The following NCOA3 variants were observed in gnomAD, a reference collection of about 807,000 sequenced individuals.
The protein encoded by NCOA3 is nuclear receptor coactivator 3, also known as CBP-interacting protein.
NCOA3 carries 51 observed loss-of-function variants against 158.8 expected under a neutral mutation model. The observed-to-expected ratio is 0.32, with a 90% confidence interval of 0.26 to 0.41. The LOEUF (loss-of-function observed/expected upper bound fraction) is 0.41, where lower values mean the gene tolerates loss of function less well. Among genes scored for constraint, NCOA3 ranks in the 10% least tolerant of loss-of-function variants. The pLI is 1.00. For missense variants in NCOA3, 1,510 were observed against 1,746.6 expected (o/e 0.86, Z 2.41); for synonymous variants, 537 against 592.4 (o/e 0.91, Z 1.36).
chr20:47,637,859 A>G, intron 13 of NCOA3, 76 bp downstream of exon 13: 1 of 1,312,714 alleles, frequency 7.6e-7, no homozygotes, highest in Non-Finnish European at 1.0e-6. Context: ...CTCTTACACT[A>G]AGACCAGGAT....
At chr20:47,577,843 G>T (rs1305467991) in intron 1 of NCOA3, among the ~76,000 whole-genome samples, 2 of 152,186 alleles carry the variant, frequency 1.3e-5, no homozygotes, top group Admixed American at 6.5e-5. Flanking sequence ...GGCTGATTCC[G>T]TATAGAACTA....
In NCOA3 at chr20:47,651,242, T is replaced by C. The variant is rs750989486; in HGVS notation, c.3912T>C (p.Ala1304=). 3.7e-6 allele frequency: 6 copies of C among 1,612,492 alleles called. No homozygotes were observed. In the African/African-American group the frequency reaches 8.0e-5, roughly 22 times the overall value. Residue 1304 remains alanine (A), a synonymous_variant, in exon 20 of 23, where the codon GCT becomes GCC. Coordinates refer to ENST00000371998, the MANE Select transcript of NCOA3 (RefSeq NM_181659.3). ...TGGCAGGACCCACAATGCCACAAGCTCCTCCGCAACAGTTTCCATATCAAC... is the reference window on the plus strand; with the variant it reads ...TGGCAGGACCCACAATGCCACAAGCCCCTCCGCAACAGTTTCCATATCAAC... ...GLLAGPTMPQ[A]PPQQFPYQPN... is the part of the protein sequence containing the mutation.
At chr20:47,651,298 T>A (rs2086791175) in intron 20 of NCOA3, 22 bp downstream of exon 20, 1 of 1,584,826 alleles carries the variant, frequency 6.3e-7, no homozygotes, top group South Asian at 1.1e-5. Context: ...AATGAAAATG[T>A]GCCTTCCCCA....
intron 5 of NCOA3, among the ~76,000 whole-genome samples, chr20:47,626,500 T>C (rs552112897): frequency 2.0e-5 from 3 of 150,712 alleles, no homozygotes; most frequent in South Asian, 2.1e-4. Context: ...TATTCTTCTT[T>C]TTTTTTCCCC....
intron 2 of NCOA3, among the ~76,000 whole-genome samples, chr20:47,591,599 C>T (rs1013261591): frequency 6.6e-6 from 1 of 152,164 alleles, no homozygotes; most frequent in South Asian, 2.1e-4. Context: ...TTGTTTATCA[C>T]TGATTGTCTC....
intron 1 of NCOA3, among the ~76,000 whole-genome samples, chr20:47,581,736 C>T (rs1167226600): frequency 6.6e-6 from 1 of 152,212 alleles, no homozygotes; most frequent in Non-Finnish European, 1.5e-5. Flanking sequence ...TACTGGTTCA[C>T]TTATTTATTG....
intron 1 of NCOA3, among the ~76,000 whole-genome samples, chr20:47,517,079 G>C (rs930800204): frequency 6.6e-6 from 1 of 151,942 alleles, no homozygotes; most frequent in Non-Finnish European, 1.5e-5. Flanking sequence ...TTAGCCAGTC[G>C]TGGTGGCACA....
In NCOA3 at chr20:47,515,902, C is replaced by CT. The variant is rs1053908217; in HGVS notation, c.-99+13886dup. Among the ~76,000 whole-genome samples the CT allele has an allele frequency of 5.3e-5, 8 of 152,248 alleles. No homozygotes were observed. The South Asian group carries it at 8.3e-4, about 16-fold the overall frequency. ...AATTCATGAAGAGATGTGAAGAAAA[C>CT]TTTAAGTTTTCACTTAGTGAAAGAA... On this transcript the variant is annotated intron_variant, in intron 1 of 22. Coordinates refer to ENST00000371998, the MANE Select transcript of NCOA3 (RefSeq NM_181659.3).
chr20:47,563,304 A>G (rs1227423963), intron 1 of NCOA3, among the ~76,000 whole-genome samples: 3 of 152,222 alleles, frequency 2.0e-5, no homozygotes, highest in African/African-American at 7.2e-5. Context: ...CTTAAAAGTC[A>G]GTGATTTTGG....
chr20:47,613,850 G>T (rs1165912864), intron 2 of NCOA3, among the ~76,000 whole-genome samples: 1 of 151,714 alleles, frequency 6.6e-6, no homozygotes, highest in Non-Finnish European at 1.5e-5. Context: ...GGCGGAGGTT[G>T]CACTGAGATT....
chr20:47,506,150 T>C (rs984955714), intron 1 of NCOA3, among the ~76,000 whole-genome samples: 2 of 152,088 alleles, frequency 1.3e-5, no homozygotes, highest in African/African-American at 4.8e-5. Context: ...GGGGAGGGGT[T>C]ACAAAATAAA....
At chr20:47,610,567 T>C (rs1298664890) in intron 2 of NCOA3, among the ~76,000 whole-genome samples, 1 of 152,150 alleles carries the variant, frequency 6.6e-6, no homozygotes, top group Non-Finnish European at 1.5e-5. Flanking sequence ...AGTTATTTAA[T>C]GATTACTGAA....
intron 1 of NCOA3, among the ~76,000 whole-genome samples, chr20:47,541,282 G>A (rs1180687993): frequency 1.4e-5 from 2 of 147,832 alleles, no homozygotes; most frequent in Non-Finnish European, 3.0e-5. Flanking sequence ...GTGGAAACAA[G>A]CATTAATCCC....
At chr20:47,512,711 C>T (rs1454011103) in intron 1 of NCOA3, among the ~76,000 whole-genome samples, 1 of 152,084 alleles carries the variant, frequency 6.6e-6, no homozygotes, top group Non-Finnish European at 1.5e-5. Context: ...TACCACTATA[C>T]ACTCACTATG....
chr20:47,547,747 G>A (rs2084856579), intron 1 of NCOA3, among the ~76,000 whole-genome samples: 4 of 151,142 alleles, frequency 2.6e-5, no homozygotes, highest in South Asian at 2.1e-4. Context: ...ATGGAGTGTC[G>A]CTCTGTCACC....
At chr20:47,578,962 G>GGT (rs2085412641) in intron 1 of NCOA3, among the ~76,000 whole-genome samples, 2 of 152,096 alleles carry the variant, frequency 1.3e-5, no homozygotes, top group African/African-American at 4.8e-5. Flanking sequence ...TTGCCCTGTT[G>GGT]GTGTTTCCAA....
chr20:47,605,532 C>T (rs1206696959), intron 2 of NCOA3, among the ~76,000 whole-genome samples: 2 of 152,058 alleles, frequency 1.3e-5, no homozygotes, highest in African/African-American at 2.4e-5. Flanking sequence ...ATTGATAATA[C>T]CTTTTTTCAC....
chr20:47,634,914 CTT>C (rs1187737153), intron 10 of NCOA3, among the ~76,000 whole-genome samples: 1 of 142,528 alleles, frequency 7.0e-6, no homozygotes, highest in African/African-American at 2.7e-5. Flanking sequence ...TTCTTCTTCT[CTT>C]CTTCTTTTTT....
At chr20:47,521,626 T>C (rs950663657) in intron 1 of NCOA3, among the ~76,000 whole-genome samples, 3 of 151,784 alleles carry the variant, frequency 2.0e-5, no homozygotes, top group African/African-American at 7.3e-5. Flanking sequence ...AGATGAACAA[T>C]GAGTCAGGGT....
Sources: allele counts gnomAD v4.1 joint callset (sites outside exome capture counted in the v4.1 genomes callset), GRCh38; gene constraint gnomAD v4.1.1; transcripts MANE v1.5; gene names NCBI Gene and HGNC (gene_info 2026-07-23, HGNC 2026-07-21).